KAT14: variants seen among roughly 807,000 people sequenced by gnomAD.
KAT14 encodes lysine acetyltransferase 14, also known as cysteine-rich protein 2-binding protein.
Under a neutral mutation model 78.4 loss-of-function variants are expected in KAT14, and 66 were observed. The ratio of observed to expected loss-of-function variants is 0.84; its 90% CI spans 0.69 to 1.03. The LOEUF is 1.03. Among genes scored for constraint, KAT14 ranks in the 50% least tolerant of loss-of-function variants. KAT14 has a pLI of 0.00. For synonymous variants in KAT14, 344 were observed against 359.4 expected (o/e 0.96, Z 0.48); for missense variants, 870 against 972.5 (o/e 0.89, Z 1.40).
chr20:18,187,325 A>G lies in KAT14; in HGVS notation c.2212A>G (p.Ser738Gly), dbSNP rs1416139717. Reference protein sequence around the residue: ...GKDVTLHVSASNPAMLLYQKF... With the variant: ...GKDVTLHVSAGNPAMLLYQKF... ...GGACGTAACCCTTCACGTCTCAGCAAGCAACCCCGCTATGCTACTGTACCA... is the reference window on the plus strand; with the variant it reads ...GGACGTAACCCTTCACGTCTCAGCAGGCAACCCCGCTATGCTACTGTACCA... Residue 738 changes from serine (S) to glycine (G), a missense_variant, in exon 11 of 11, where the codon AGC (serine) becomes GGC (glycine). Ser to Gly is a moderately conservative substitution (Grantham distance 56). Transcript: ENST00000688188. 2 of 1,613,510 alleles carry G rather than the reference A, an allele frequency of 1.2e-6. No individual in the cohort carries two copies. Among genetic ancestry groups the G allele is most frequent in the Non-Finnish European group, 1.7e-6 (2 of 1,179,902 alleles).
intron 9 of KAT14, among the ~76,000 whole-genome samples, 164 bp from the exon 10 acceptor site, chr20:18,184,438 T>C (rs554504673): frequency 6.6e-6 from 1 of 152,134 alleles, no homozygotes; most frequent in Non-Finnish European, 1.5e-5. Context: ...TTCACTCTTA[T>C]TTTTATGATC....
chr20:18,152,354 A>G (rs1793526878), intron 4 of KAT14, among the ~76,000 whole-genome samples: 1 of 152,110 alleles, frequency 6.6e-6, no homozygotes, highest in African/African-American at 2.4e-5. Context: ...AGGCGAGCAG[A>G]TCACCTGAGG....
chr20:18,176,236 G>A (rs1367340833), intron 7 of KAT14, among the ~76,000 whole-genome samples: 2 of 150,146 alleles, frequency 1.3e-5, no homozygotes, highest in African/African-American at 4.9e-5. Flanking sequence ...GGGAGGTGGA[G>A]GTTGCAGTGA....
chr20:18,152,200 C>T (rs928822595), intron 4 of KAT14, among the ~76,000 whole-genome samples: 2 of 152,024 alleles, frequency 1.3e-5, no homozygotes, highest in African/African-American at 4.8e-5. Context: ...CCCAGCTACT[C>T]AGGAGACCAA....
chr20:18,158,947 T>G, intron 4 of KAT14, 137 bp from the exon 5 acceptor site: 1 of 1,064,384 alleles, frequency 9.4e-7, no homozygotes, highest in Non-Finnish European at 1.3e-6. Context: ...GCCTCTCTCC[T>G]GCCTCTCGTG....
rs577235691 is a variant in KAT14, at chr20:18,177,329, G to A, written c.1669-4381G>A. ...CTAGCTGGACTCCAAGAGGGAGAAA[G>A]TGGAAGCAAGCCACCAGTTGTCTTA... On this transcript the variant is annotated intron_variant, in intron 7 of 10. Coordinates refer to ENST00000688188, the MANE Select transcript of KAT14 (RefSeq NM_001392073.1). Among the ~76,000 whole-genome samples, 9 of 152,314 alleles carry A rather than the reference G, an allele frequency of 5.9e-5. No individual in the cohort carries two copies. The East Asian group carries it at 1.7e-3, about 29-fold the overall frequency.
intron 2 of KAT14, 126 bp from the exon 3 acceptor site, chr20:18,145,107 A>C: frequency 7.0e-7 from 1 of 1,427,152 alleles, no homozygotes; most frequent in South Asian, 1.6e-5. Flanking sequence ...CCATTTTGCA[A>C]TTGTGGGTTG....
intron 2 of KAT14, 39 bp from the exon 3 acceptor site, chr20:18,145,194 T>C (rs993653586): frequency 1.9e-6 from 3 of 1,607,470 alleles, no homozygotes; most frequent in African/African-American, 2.7e-5. Context: ...ACCGCTGCTC[T>C]AGATAAACCC....
intron 4 of KAT14, among the ~76,000 whole-genome samples, chr20:18,156,223 C>T (rs563421440): frequency 1.6e-4 from 25 of 152,276 alleles, no homozygotes; most frequent in African/African-American, 5.3e-4. Flanking sequence ...TGGTGGTTGT[C>T]AGCACTTGGC....
intron 7 of KAT14, among the ~76,000 whole-genome samples, chr20:18,177,852 G>C (rs902797069): frequency 2.0e-5 from 3 of 152,160 alleles, no homozygotes; most frequent in African/African-American, 7.2e-5. Flanking sequence ...GGCAGTCATT[G>C]AAGAACAACA....
chr20:18,161,910 TAAAAG>T lies in KAT14; in HGVS notation c.772_776del (p.Lys258GlufsTer12). ...AATCCTGTGGAATCTGCCATGGAAT[TAAAAG>T]AGAAAAGGTCTCGAACTCAGGAAGC... On this transcript the variant is annotated frameshift_variant, in exon 6 of 11. Coordinates refer to ENST00000688188, the MANE Select transcript of KAT14 (RefSeq NM_001392073.1). LOFTEE classifies it high-confidence loss of function. The T allele has an allele frequency of 1.2e-6, 2 of 1,614,176 alleles. No homozygotes were observed. Among genetic ancestry groups the T allele is most frequent in the Non-Finnish European group, 1.7e-6 (2 of 1,180,034 alleles).
At chr20:18,181,903 G>T (rs1354845893) in intron 8 of KAT14, 57 bp downstream of exon 8, 1 of 1,601,258 alleles carries the variant, frequency 6.2e-7, no homozygotes. Flanking sequence ...AATGATTGTG[G>T]TTTCTGTGCC....
intron 4 of KAT14, among the ~76,000 whole-genome samples, chr20:18,156,248 T>C (rs1167683493): frequency 6.6e-6 from 1 of 152,122 alleles, no homozygotes; most frequent in East Asian, 1.9e-4. Flanking sequence ...AGGGTGGAAT[T>C]GGGAGTTGTT....
chr20:18,150,867 G>A lies in KAT14; in HGVS notation c.425G>A (p.Arg142His), dbSNP rs755119101. ...AACTTGTCTCTGGAAGGAAGTGGAC[G>A]TCAAGGTTATTTCAGGTGGAAAGAA... ...MYNLSLEGSG[R>H]QGYFRWKEDI... Residue 142 changes from arginine to histidine, a missense_variant, in exon 4 of 11, where the codon CGT becomes CAT. Coordinates refer to ENST00000688188, the MANE Select transcript of KAT14 (RefSeq NM_001392073.1). The A allele has an allele frequency of 2.5e-6, 4 of 1,614,142 alleles. No homozygotes were observed. The highest frequency in any genetic ancestry group is 2.5e-6 in the Non-Finnish European group (3 of 1,180,020).
At chr20:18,139,858 CT>C (rs2037462585) in intron 1 of KAT14, among the ~76,000 whole-genome samples, 1 of 152,070 alleles carries the variant, frequency 6.6e-6, no homozygotes, top group Admixed American at 6.6e-5. Context: ...GTATTAAGCA[CT>C]TTATGTATAT....
chr20:18,180,641 TAC>T (rs141954506), intron 7 of KAT14, among the ~76,000 whole-genome samples: 8,258 of 152,250 alleles, frequency 0.054, 264 homozygotes, highest in Middle Eastern at 0.092. Context: ...TAATTGGACT[TAC>T]AGTTCCACAT....
At chr20:18,184,472 C>T in intron 9 of KAT14, 130 bp from the exon 10 acceptor site, 3 of 868,104 alleles carry the variant, frequency 3.5e-6, no homozygotes, top group Non-Finnish European at 5.1e-6. Flanking sequence ...TCTATGTTAC[C>T]TCCAGTTTTG....
In KAT14 at chr20:18,181,764, C is replaced by T. The variant is rs757283450; in HGVS notation, c.1723C>T (p.Arg575Cys). 15 of 1,614,030 alleles carry T rather than the reference C, an allele frequency of 9.3e-6. No homozygotes were observed. The highest frequency in any genetic ancestry group is 4.5e-5 in the East Asian group (2 of 44,894). The change falls in exon 8 of 11, where the codon CGC (arginine) becomes TGC (cysteine). Residue 575 changes from arginine (R) to cysteine (C), a missense_variant. Transcript: ENST00000688188. ...ACACCAGACCACCAAGTTTTTGTATCGCTTGGTAGGATCAGAAGATATGGC... is the reference window on the plus strand; with the variant it reads ...ACACCAGACCACCAAGTTTTTGTATTGCTTGGTAGGATCAGAAGATATGGC... ...FRHQTTKFLY[R>C]LVGSEDMAVD...
At chr20:18,176,055 A>G (rs957654290) in intron 7 of KAT14, among the ~76,000 whole-genome samples, 5 of 148,786 alleles carry the variant, frequency 3.4e-5, no homozygotes, top group Admixed American at 1.3e-4. Flanking sequence ...TGTAATCCCC[A>G]CACTTTGGGA....
Sources: gnomAD v4.1 joint callset for allele counts (sites outside exome capture counted in the v4.1 genomes callset) on GRCh38, gnomAD v4.1.1 for gene constraint, MANE v1.5 for transcripts, NCBI Gene and HGNC (gene_info 2026-07-23, HGNC 2026-07-21) for gene names.